The following SLC39A9 variants were observed in gnomAD, a reference collection of about 807,000 sequenced individuals.
SLC39A9 encodes the protein solute carrier family 39 member 9.
In SLC39A9, 14 loss-of-function variants were observed where a neutral mutation model predicts 28.4. The ratio of observed to expected loss-of-function variants is 0.49; its 90% CI spans 0.33 to 0.77. SLC39A9 has a LOEUF of 0.77. Ranked by LOEUF, SLC39A9 falls within the 30% of genes least tolerant of loss-of-function variation. SLC39A9 has a pLI of 0.02. For missense variants in SLC39A9, 283 were observed against 381.1 expected (o/e 0.74, Z 2.14); for synonymous variants, 119 against 149.6 (o/e 0.80, Z 1.49).
chr14:69,455,828 C>T lies in SLC39A9; in HGVS notation c.655C>T (p.Pro219Ser). 1 of 1,614,160 alleles carries T rather than the reference C, an allele frequency of 6.2e-7. No homozygotes were observed. Among genetic ancestry groups the T allele is most frequent in the Non-Finnish European group, 8.5e-7 (1 of 1,180,008 alleles). ...KHLLVFALAA[P>S]VMSMVTYLGL... The stretch of plus-strand genomic sequence containing the variant: ...CTTGCTGGTCTTTGCATTGGCAGCA[C>T]CAGTTATGTCCATGGTGACATACTT... The change falls in exon 6 of 7, where the codon CCA becomes TCA. Residue 219 changes from proline (P) to serine (S), a missense_variant. Coordinates refer to ENST00000336643, the MANE Select transcript of SLC39A9 (RefSeq NM_018375.5).
chr14:69,443,687 T>G (rs1420177900), intron 3 of SLC39A9, among the ~76,000 whole-genome samples: 2 of 151,868 alleles, frequency 1.3e-5, no homozygotes, highest in African/African-American at 4.8e-5. Flanking sequence ...CTGGGCAACA[T>G]GGCAAAACTC....
chr14:69,417,810 C>T (rs1883659174), intron 1 of SLC39A9, among the ~76,000 whole-genome samples: 2 of 152,116 alleles, frequency 1.3e-5, no homozygotes, highest in Admixed American at 1.3e-4. Flanking sequence ...GATTTTTGCA[C>T]ATTGATTTTG....
chr14:69,458,669 TC>T lies in SLC39A9; in HGVS notation c.*78del. On this transcript the variant is annotated 3_prime_UTR_variant, in exon 7 of 7. Transcript: ENST00000336643. ...AGCCGGCACGTGACAGCTACTCACT[TC>T]CTCAGTCTCTTGTCTCACCTTGCGC... 6.8e-7 allele frequency: 1 copy of T among 1,476,182 alleles called. No individual in the cohort carries two copies. The highest frequency in any genetic ancestry group is 9.0e-7 in the Non-Finnish European group (1 of 1,110,426). 91.4% of individuals were successfully genotyped at this position (1,476,182 alleles called of 1,614,324 possible).
chr14:69,451,567 A>G (rs1198661408), intron 3 of SLC39A9, among the ~76,000 whole-genome samples: 1 of 152,238 alleles, frequency 6.6e-6, no homozygotes, highest in African/African-American at 2.4e-5. Context: ...TTTAGCATTT[A>G]CAGTCCATCT....
chr14:69,436,688 GATT>G (rs1884777558), intron 2 of SLC39A9, among the ~76,000 whole-genome samples: 1 of 152,104 alleles, frequency 6.6e-6, no homozygotes, highest in Non-Finnish European at 1.5e-5. Context: ...TTATACATAG[GATT>G]AAAGAACCCC....
rs1406578482 is a variant in SLC39A9 at position 69,458,801 on chromosome 14, C to G, written c.*208C>G. On this transcript the variant is annotated 3_prime_UTR_variant, in exon 7 of 7. Coordinates refer to ENST00000336643, the MANE Select transcript of SLC39A9 (RefSeq NM_018375.5). ...CATTTACGTTGCAGTTAGCTATAGA[C>G]ATCCCATTGTGTTATCTTTTAAAAG... The G allele has an allele frequency of 7.6e-7, 1 of 1,322,484 alleles. No individual in the cohort carries two copies. The highest frequency in any genetic ancestry group is 9.6e-7 in the Non-Finnish European group (1 of 1,037,210). The allele number at this position is 1,322,484 out of a possible 1,614,324, so 81.9% of individuals were successfully genotyped here.
Position 69,459,835 on chromosome 14 carries a change from T to G in SLC39A9, c.*1242T>G. The G allele has an allele frequency of 1.0e-6, 1 of 985,428 alleles. No homozygotes were observed. Among genetic ancestry groups the G allele is most frequent in the Non-Finnish European group, 1.2e-6 (1 of 829,914 alleles). 61.0% of individuals were successfully genotyped at this position (985,428 alleles called of 1,614,324 possible). A position where few individuals can be genotyped will look rare whatever the true frequency, so the allele number is the denominator to read the frequency against. On this transcript the variant is annotated 3_prime_UTR_variant, in exon 7 of 7. Coordinates refer to ENST00000336643, the MANE Select transcript of SLC39A9 (RefSeq NM_018375.5). ...GTTAATATTTGTGTGGGATGAATTCTTATCAGGACAACCACTTCTCGAACT... is the reference window on the plus strand; with the variant it reads ...GTTAATATTTGTGTGGGATGAATTCGTATCAGGACAACCACTTCTCGAACT...
chr14:69,453,192 A>G (rs765191533), intron 3 of SLC39A9, 49 bp from the exon 4 acceptor site: 2 of 1,509,924 alleles, frequency 1.3e-6, no homozygotes, highest in Admixed American at 3.3e-5. Context: ...ATGTTTGAAC[A>G]GTTTCTGTCT....
At chr14:69,408,904 CTA>C (rs1474639070) in intron 1 of SLC39A9, among the ~76,000 whole-genome samples, 6 of 152,206 alleles carry the variant, frequency 3.9e-5, no homozygotes, top group African/African-American at 1.4e-4. Context: ...ATTAAAGACA[CTA>C]TGTTCTCTAA....
In SLC39A9 at chr14:69,399,193, T is replaced by C. The variant is rs1882481489; in HGVS notation, c.-177T>C. 8.1e-6 allele frequency: 5 copies of C among 617,608 alleles called. No homozygotes were observed. The highest frequency in any genetic ancestry group is 3.9e-5 in the South Asian group (2 of 51,812). The allele number at this position is 617,608 out of a possible 1,614,324, so 38.3% of individuals were successfully genotyped here. ...TGCTAATATCAGCAAAAAGGGTCTG[T>C]TGCCGGGTACGTTCAAGAGGAAGGT... On this transcript the variant is annotated 5_prime_UTR_variant, in exon 1 of 7. Coordinates refer to ENST00000336643, the MANE Select transcript of SLC39A9 (RefSeq NM_018375.5).
chr14:69,426,051 C>T (rs934032487), intron 2 of SLC39A9, among the ~76,000 whole-genome samples: 13 of 152,158 alleles, frequency 8.5e-5, no homozygotes, highest in African/African-American at 3.1e-4. Flanking sequence ...TTCCTGTGCT[C>T]TCACACCACA....
intron 1 of SLC39A9, among the ~76,000 whole-genome samples, chr14:69,413,398 A>G (rs1883387823): frequency 6.6e-6 from 1 of 152,148 alleles, no homozygotes; most frequent in Admixed American, 6.5e-5. Context: ...ATACAGGATT[A>G]CCTCCTTTTA....
At chr14:69,440,491 A>G (rs1251417487) in intron 2 of SLC39A9, among the ~76,000 whole-genome samples, 2 of 152,128 alleles carry the variant, frequency 1.3e-5, no homozygotes, top group East Asian at 3.9e-4. Context: ...GGACTGAGGT[A>G]GGAGGATGAC....
intron 6 of SLC39A9, 90 bp downstream of exon 6, chr14:69,455,956 ACT>A (rs1885837293): frequency 7.0e-7 from 1 of 1,432,338 alleles, no homozygotes; most frequent in East Asian, 2.3e-5. Flanking sequence ...CCAATACATT[ACT>A]CTCTCAAACT....
intron 2 of SLC39A9, among the ~76,000 whole-genome samples, chr14:69,438,550 G>A (rs907921014): frequency 6.6e-6 from 1 of 152,006 alleles, no homozygotes; most frequent in African/African-American, 2.4e-5. Flanking sequence ...TGTAATTATA[G>A]CTCTAAAATC....
At chr14:69,443,274 A>C (rs557278847) in intron 3 of SLC39A9, among the ~76,000 whole-genome samples, 3 of 152,370 alleles carry the variant, frequency 2.0e-5, no homozygotes, top group Non-Finnish European at 4.4e-5. Flanking sequence ...GGAAAGCAGC[A>C]TAAGTATCTT....
intron 1 of SLC39A9, among the ~76,000 whole-genome samples, chr14:69,421,629 C>G (rs1275835236): frequency 2.0e-5 from 3 of 152,224 alleles, no homozygotes; most frequent in South Asian, 2.1e-4. Flanking sequence ...CGGAGGCAGG[C>G]AGGCCTCCTT....
intron 1 of SLC39A9, among the ~76,000 whole-genome samples, chr14:69,419,085 G>A (rs548563949): frequency 6.6e-6 from 1 of 151,492 alleles, no homozygotes; most frequent in Admixed American, 6.6e-5. Context: ...TAGTTCTTTT[G>A]TGATGTTAGG....
At chr14:69,427,948 G>T (rs565949161) in intron 2 of SLC39A9, among the ~76,000 whole-genome samples, 2 of 152,288 alleles carry the variant, frequency 1.3e-5, no homozygotes, top group South Asian at 4.1e-4. Context: ...TATGGGGAAG[G>T]TTGGGTGTAA....
Sources: gnomAD v4.1 joint callset for allele counts (sites outside exome capture counted in the v4.1 genomes callset) on GRCh38, gnomAD v4.1.1 for gene constraint, MANE v1.5 for transcripts, NCBI Gene and HGNC (gene_info 2026-07-23, HGNC 2026-07-21) for gene names.